DLG2: variants seen among roughly 807,000 people sequenced by gnomAD.
DLG2 encodes the protein discs large MAGUK scaffold protein 2, also known as disks large homolog 2.
Under a neutral mutation model 132.5 loss-of-function variants are expected in DLG2, and 45 were observed. The observed-to-expected ratio is 0.34, with a 90% CI of 0.27 to 0.44. DLG2 has a LOEUF of 0.44. DLG2 is among the 20% of genes least tolerant of loss of function. The probability of loss-of-function intolerance (pLI) is 1.00; values close to 1 mark genes in which losing one functional copy is unlikely to be tolerated. For synonymous variants in DLG2, 424 were observed against 419.6 expected, an observed-to-expected ratio of 1.01 and a Z score of -0.13; for missense variants, 1,045 against 1,196.9, an observed-to-expected ratio of 0.87 and a Z score of 1.87.
In DLG2 at chr11:85,293,982, C is replaced by T. The variant is rs184033554; in HGVS notation, c.41-8617G>A. ...CAAAGCTGGGCATGGTGGCTAATAC[C>T]TGTAATTCCAACACTTTGGGACGCC... On this transcript the variant is annotated intron_variant, in intron 3 of 27. Coordinates refer to ENST00000376104, the MANE Select transcript of DLG2 (RefSeq NM_001142699.3). Among the ~76,000 whole-genome samples the T allele has an allele frequency of 4.8e-3, 737 of 152,184 alleles. 5 individuals carry two copies. The highest frequency in any genetic ancestry group is 0.016 in the African/African-American group (679 of 41,544).
In DLG2 at chr11:83,991,247, A is replaced by G. The variant is rs540523330; in HGVS notation, c.920-10605T>C. 1.7e-4 allele frequency among the ~76,000 whole-genome samples: 26 copies of G among 152,304 alleles called. No homozygotes were observed. The South Asian group carries it at 4.4e-3, about 26-fold the overall frequency. On this transcript the variant is annotated intron_variant, in intron 11 of 27. Coordinates refer to ENST00000376104, the MANE Select transcript of DLG2 (RefSeq NM_001142699.3). ...GTTGAAAGAAGTGATTCTGCTTAAAATTTCTAAGGCACTGACAAAGCATCT... is the reference window on the plus strand; with the variant it reads ...GTTGAAAGAAGTGATTCTGCTTAAAGTTTCTAAGGCACTGACAAAGCATCT...
intron 6 of DLG2, among the ~76,000 whole-genome samples, chr11:84,877,130 G>A (rs954625276): frequency 4.6e-5 from 7 of 152,112 alleles, no homozygotes; most frequent in South Asian, 2.1e-4. Flanking sequence ...TAGAATAAGC[G>A]TGATGTGGTG....
At chr11:84,621,042 C>A (rs1282304817) in intron 6 of DLG2, among the ~76,000 whole-genome samples, 2 of 151,960 alleles carry the variant, frequency 1.3e-5, no homozygotes, top group Non-Finnish European at 2.9e-5. Context: ...ATGGGGATGA[C>A]TTTTAAAAGC....
intron 2 of DLG2, among the ~76,000 whole-genome samples, chr11:85,620,180 G>A (rs531266116): frequency 6.6e-6 from 1 of 152,258 alleles, no homozygotes; most frequent in Non-Finnish European, 1.5e-5. Context: ...TCTGTAATCA[G>A]TGATCTTTGA....
chr11:84,861,540 C>T (rs1037088808), intron 6 of DLG2, among the ~76,000 whole-genome samples: 3 of 139,410 alleles, frequency 2.2e-5, no homozygotes, highest in Non-Finnish European at 4.6e-5. Flanking sequence ...TGGCTTTAGG[C>T]TAAAACACCA....
chr11:85,610,672 C>T (rs2080930104), intron 2 of DLG2, among the ~76,000 whole-genome samples: 1 of 152,226 alleles, frequency 6.6e-6, no homozygotes, highest in Admixed American at 6.5e-5. Flanking sequence ...TGCCAACAGG[C>T]TACTCTAGAT....
intron 22 of DLG2, chr11:83,483,123 T>G: frequency 1.4e-6 from 1 of 736,764 alleles, no homozygotes; most frequent in African/African-American, 1.8e-5. Context: ...CATTCACAGC[T>G]AGGTAACAAA....
chr11:84,912,243 CCTCCTGGGTTCACGCCATT>C (rs2092135238), intron 6 of DLG2, among the ~76,000 whole-genome samples: 1 of 152,230 alleles, frequency 6.6e-6, no homozygotes, highest in Non-Finnish European at 1.5e-5. Context: ...GCAAGCGCCA[CCTCCTGGGTTCACGCCATT>C]CTCCTGCCTC....
At chr11:84,116,525 C>T (rs2093641571) in intron 9 of DLG2, among the ~76,000 whole-genome samples, 1 of 152,068 alleles carries the variant, frequency 6.6e-6, no homozygotes, top group Non-Finnish European at 1.5e-5. Context: ...GGGGAACTGC[C>T]CTTTTATAAA....
intron 15 of DLG2, among the ~76,000 whole-genome samples, chr11:83,904,769 T>C (rs2154102821): frequency 6.6e-6 from 1 of 152,306 alleles, no homozygotes; most frequent in South Asian, 2.1e-4. Context: ...CACTTGGGGT[T>C]CTTTTCCTAT....
At chr11:83,834,313 G>A (rs918994585) in intron 16 of DLG2, among the ~76,000 whole-genome samples, 1 of 152,186 alleles carries the variant, frequency 6.6e-6, no homozygotes, top group African/African-American at 2.4e-5. Context: ...GAGGGCTGAC[G>A]GAGAGGAAAG....
intron 8 of DLG2, among the ~76,000 whole-genome samples, chr11:84,212,947 G>C (rs970745307): frequency 6.6e-6 from 1 of 151,898 alleles, no homozygotes; most frequent in Admixed American, 6.6e-5. Flanking sequence ...CGTGAGCCGC[G>C]GCGCCCGGCC....
At chr11:83,466,888 A>T (rs1055681931) in intron 25 of DLG2, 71 bp from the exon 26 acceptor site, 1 of 1,050,132 alleles carries the variant, frequency 9.5e-7, no homozygotes, top group African/African-American at 1.6e-5. Flanking sequence ...AAGGAAACTA[A>T]TGTATGTAGG....
At chr11:85,621,013 G>A (rs2081653842) in intron 2 of DLG2, among the ~76,000 whole-genome samples, 1 of 152,188 alleles carries the variant, frequency 6.6e-6, no homozygotes, top group Non-Finnish European at 1.5e-5. Context: ...CTTCTTAGAG[G>A]CTAATGGGTG....
In DLG2 at chr11:83,716,625, T is replaced by C. The variant is rs77015489; in HGVS notation, c.1825+70065A>G. 6.3e-3 allele frequency among the ~76,000 whole-genome samples: 963 copies of C among 152,326 alleles called. 8 individuals are homozygous for C. Among genetic ancestry groups the C allele is most frequent in the African/African-American group, 0.022 (913 of 41,566 alleles). ...AGTATTAGGTCACTGTCACAGATTATACCCATTTTGCAGATAGAAACCAAA... is the reference window on the plus strand; with the variant it reads ...AGTATTAGGTCACTGTCACAGATTACACCCATTTTGCAGATAGAAACCAAA... On this transcript the variant is annotated intron_variant, in intron 18 of 27. Transcript: ENST00000376104.
intron 14 of DLG2, among the ~76,000 whole-genome samples, chr11:83,948,325 T>G (rs933299618): frequency 1.3e-5 from 2 of 152,134 alleles, no homozygotes; most frequent in Non-Finnish European, 2.9e-5. Context: ...AATGTTTACA[T>G]GCAGTGAGAC....
intron 3 of DLG2, among the ~76,000 whole-genome samples, chr11:85,347,508 T>C (rs1180183402): frequency 2.0e-5 from 3 of 152,120 alleles, no homozygotes; most frequent in African/African-American, 7.2e-5. Context: ...CATTCATTCT[T>C]TCTAGTAATC....
At position 84,033,035 on chromosome 11, in the gene DLG2, C is replaced by T. The variant is rs564997359; in HGVS notation, c.919+26280G>A. Among the ~76,000 whole-genome samples the T allele has an allele frequency of 7.2e-4, 110 of 152,310 alleles. 1 individual carries two copies. The highest frequency in any genetic ancestry group is 2.6e-3 in the African/African-American group (109 of 41,568). ...TGCTCATTGTCGATGCACCTAGTCA[C>T]CAAGAGCTCTTATGCAGATGTGCAA... is the stretch of plus-strand genomic sequence containing the variant. On this transcript the variant is annotated intron_variant, in intron 11 of 27. Transcript: ENST00000376104.
At chr11:85,511,485 A>T (rs1262841731) in intron 3 of DLG2, among the ~76,000 whole-genome samples, 1 of 152,092 alleles carries the variant, frequency 6.6e-6, no homozygotes, top group Non-Finnish European at 1.5e-5. Flanking sequence ...AACAGAGATT[A>T]TAACATTTTA....
Sources: allele counts gnomAD v4.1 joint callset (sites outside exome capture counted in the v4.1 genomes callset), GRCh38; gene constraint gnomAD v4.1.1; transcripts MANE v1.5; gene names NCBI Gene and HGNC (gene_info 2026-07-23, HGNC 2026-07-21).